Variants in TMEM178B observed in about 807,000 individuals in gnomAD.
TMEM178B encodes the protein transmembrane protein 178B.
TMEM178B carries 5 observed loss-of-function variants against 31.0 expected under a neutral mutation model. The ratio of observed to expected loss-of-function variants is 0.16; its 90% CI spans 0.08 to 0.34. TMEM178B has a LOEUF of 0.34. TMEM178B is among the 10% of genes least tolerant of loss of function. The pLI is 1.00. For synonymous variants in TMEM178B, 164 were observed against 164.0 expected, an observed-to-expected ratio of 1.00 and a Z score of 0.00; for missense variants, 275 against 400.3, an observed-to-expected ratio of 0.69 and a Z score of 2.67.
chr7:141,185,243 C>T (rs1796591520), intron 1 of TMEM178B, among the ~76,000 whole-genome samples: 1 of 152,228 alleles, frequency 6.6e-6, no homozygotes. Flanking sequence ...CAATTAGCCT[C>T]CTGCCTTATC....
chr7:141,173,075 G>A (rs1278497933), intron 1 of TMEM178B: 2 of 152,202 alleles, frequency 1.3e-5, no homozygotes, highest in Non-Finnish European at 2.9e-5. Context: ...AGAAAAGTGA[G>A]TAGGTACTTG....
intron 1 of TMEM178B, among the ~76,000 whole-genome samples, chr7:141,190,910 C>CT (rs1008304170): frequency 7.8e-4 from 119 of 152,082 alleles, no homozygotes; most frequent in East Asian, 2.1e-3. Context: ...ACCTCTTTCC[C>CT]TTTTTTTTAC....
intron 1 of TMEM178B, among the ~76,000 whole-genome samples, chr7:141,134,561 T>G (rs539598483): frequency 6.6e-6 from 1 of 152,194 alleles, no homozygotes; most frequent in African/African-American, 2.4e-5. Context: ...GAGTCAAATG[T>G]TACCAATACA....
chr7:141,481,885 C>T (rs1473332904), downstream of TMEM178B, among the ~76,000 whole-genome samples: 1 of 152,092 alleles, frequency 6.6e-6, no homozygotes, highest in Non-Finnish European at 1.5e-5. Context: ...TCTGCCCCAG[C>T]CCGGGCAGGG....
At chr7:141,488,078 T>TAAAA in the TMEM178B span, among the ~76,000 whole-genome samples, 1 of 142,018 alleles carries the variant, frequency 7.0e-6, no homozygotes, top group Non-Finnish European at 1.5e-5. Context: ...GGTTGGGACC[T>TAAAA]AAAAAAAAAA....
chr7:141,461,176 A>G lies in TMEM178B; in HGVS notation c.635-9360A>G, dbSNP rs1268263466. On this transcript the variant is annotated intron_variant, in intron 3 of 3. Transcript: ENST00000565468. This position sits in a 1 kb window ranked among gnomAD's most constrained non-coding sequence, Gnocchi z 4.0. ...TGTTGGTTTTAAAGATTGGAGAGGG[A>G]ATAGAGGGAGGTGTCTCATGGAGGA... 1.3e-5 allele frequency among the ~76,000 whole-genome samples: 2 copies of G among 152,098 alleles called. No individual in the cohort carries two copies. The highest frequency in any genetic ancestry group is 4.8e-5 in the African/African-American group (2 of 41,420).
In TMEM178B at chr7:141,308,825, G is replaced by A. The variant is rs187544883; in HGVS notation, c.496+96121G>A. The stretch of plus-strand genomic sequence containing the variant: ...CTGGGTGGGGAGGGGCCAGGACCCC[G>A]GCTCCTGAATCCCCAGCCTTTGTTG... On this transcript the variant is annotated intron_variant, in intron 2 of 3. Coordinates refer to ENST00000565468, the MANE Select transcript of TMEM178B (RefSeq NM_001195278.2). Among the ~76,000 whole-genome samples, 75 of 152,274 alleles carry A rather than the reference G, an allele frequency of 4.9e-4. No individual in the cohort carries two copies. In the East Asian group the frequency reaches 0.012, roughly 25 times the overall value.
At chr7:141,405,023 T>C (rs1401089753) in intron 2 of TMEM178B, among the ~76,000 whole-genome samples, 1 of 152,188 alleles carries the variant, frequency 6.6e-6, no homozygotes, top group African/African-American at 2.4e-5. Context: ...GGCCCTACCC[T>C]CTCTCTCTCC....
intron 1 of TMEM178B, among the ~76,000 whole-genome samples, chr7:141,183,427 G>C (rs2129184153): frequency 1.3e-5 from 2 of 152,060 alleles, no homozygotes; most frequent in South Asian, 4.2e-4. Flanking sequence ...CAAACAGCTG[G>C]GTTTGAAATT....
Position 141,475,900 on chromosome 7 carries a change from C to T in TMEM178B, c.*5114C>T, listed in dbSNP as rs754098019. 1.3e-5 allele frequency: 2 copies of T among 152,078 alleles called. No homozygotes were observed. The highest frequency in any genetic ancestry group is 4.8e-5 in the African/African-American group (2 of 41,398). 9.4% of individuals were successfully genotyped at this position (152,078 alleles called of 1,614,324 possible). A position where few individuals can be genotyped will look rare whatever the true frequency, so the allele number is the denominator to read the frequency against. On this transcript the variant is annotated 3_prime_UTR_variant, in exon 4 of 4. Transcript: ENST00000565468. ...TGTGTAACAGTTACTGTAAATTTCA[C>T]TACAGCTCTGCACTGAAATGATTTG...
At chr7:141,258,577 A>G (rs1271616491) in intron 2 of TMEM178B, among the ~76,000 whole-genome samples, 1 of 151,580 alleles carries the variant, frequency 6.6e-6, no homozygotes, top group African/African-American at 2.4e-5. Context: ...GATTCACGTT[A>G]CAGCCCAATG....
chr7:141,508,153 T>C, the TMEM178B span, among the ~76,000 whole-genome samples: 3 of 152,216 alleles, frequency 2.0e-5, no homozygotes, highest in Non-Finnish European at 4.4e-5. Flanking sequence ...CTTTGCTGCT[T>C]AGAAACTTCT....
intron 2 of TMEM178B, among the ~76,000 whole-genome samples, chr7:141,383,802 T>C (rs1204888589): frequency 6.6e-6 from 1 of 152,188 alleles, no homozygotes; most frequent in Non-Finnish European, 1.5e-5. Context: ...CACTGTCTTC[T>C]ACAATGGTTG....
intron 2 of TMEM178B, among the ~76,000 whole-genome samples, chr7:141,380,214 A>C (rs1800288929): frequency 1.3e-5 from 2 of 152,330 alleles, no homozygotes; most frequent in South Asian, 4.1e-4. Flanking sequence ...AACTGATTGT[A>C]GTTCTATAGC....
At chr7:141,091,935 C>T (rs755907901) in intron 1 of TMEM178B, among the ~76,000 whole-genome samples, 2 of 152,100 alleles carry the variant, frequency 1.3e-5, no homozygotes, top group Non-Finnish European at 2.9e-5. Context: ...ACCATGTTGG[C>T]CAGACTGGCC....
intron 2 of TMEM178B, among the ~76,000 whole-genome samples, chr7:141,424,394 G>C (rs1184329838): frequency 6.6e-6 from 1 of 152,174 alleles, no homozygotes; most frequent in Non-Finnish European, 1.5e-5. Context: ...CGCACTGTTG[G>C]CCAAAGAGGA....
At chr7:141,125,680 G>GAA (rs774508037) in intron 1 of TMEM178B, among the ~76,000 whole-genome samples, 78 of 78,712 alleles carry the variant, frequency 9.9e-4, no homozygotes, top group African/African-American at 3.3e-3. Context: ...ACTCCATCTC[G>GAA]AAAAAAAAAA....
intron 1 of TMEM178B, among the ~76,000 whole-genome samples, chr7:141,192,173 C>T (rs948415086): frequency 6.6e-6 from 1 of 152,140 alleles, no homozygotes; most frequent in African/African-American, 2.4e-5. Context: ...TGAATTCTGG[C>T]CCAGTTCTTC....
At position 141,393,810 on chromosome 7, in the gene TMEM178B, C is replaced by T. The variant is rs566443022; in HGVS notation, c.497-43798C>T. ...GCATGGAGAATATTGGGTAGGCCAA[C>T]TAGACAAGTGAATTTCAAGGTTACA... On this transcript the variant is annotated intron_variant, in intron 2 of 3. Transcript: ENST00000565468. Among the ~76,000 whole-genome samples the T allele has an allele frequency of 2.0e-5, 3 of 152,130 alleles. No individual in the cohort carries two copies. In the South Asian group the frequency reaches 6.2e-4, roughly 32 times the overall value.
Sources: allele counts gnomAD v4.1 joint callset (sites outside exome capture counted in the v4.1 genomes callset), GRCh38; gene constraint gnomAD v4.1.1; non-coding constraint Gnocchi (gnomAD v3.1); transcripts MANE v1.5; gene names NCBI Gene and HGNC (gene_info 2026-07-23, HGNC 2026-07-21).